Variants in MYLK3 observed in about 807,000 individuals in gnomAD.
MYLK3 encodes myosin light chain kinase 3, also known as MLC kinase.
In MYLK3, 55 loss-of-function variants were observed where a neutral mutation model predicts 76.3. That is an observed-to-expected ratio of 0.72 (90% CI 0.58 to 0.90). The LOEUF is 0.90. Ranked by LOEUF, MYLK3 falls within the 40% of genes least tolerant of loss-of-function variation. The probability of loss-of-function intolerance (pLI) is 0.00; values close to 1 mark genes in which losing one functional copy is unlikely to be tolerated. For missense variants in MYLK3, 973 were observed against 1,053.6 expected (o/e 0.92, Z 1.06); for synonymous variants, 416 against 425.4 (o/e 0.98, Z 0.27).
At chr16:46,716,473 ATG>A (rs1203160291) in intron 9 of MYLK3, among the ~76,000 whole-genome samples, 6 of 146,398 alleles carry the variant, frequency 4.1e-5, no homozygotes, top group African/African-American at 1.3e-4. Flanking sequence ...GTATATATAT[ATG>A]TGTGTGTGTA....
chr16:46,749,420 C>G (rs1967089060), upstream of MYLK3, among the ~76,000 whole-genome samples: 1 of 152,246 alleles, frequency 6.6e-6, no homozygotes, highest in Non-Finnish European at 1.5e-5. Flanking sequence ...AAGCTTCCCC[C>G]TTCTGAATAA....
At chr16:46,742,505 A>C (rs1025974582) in intron 1 of MYLK3, among the ~76,000 whole-genome samples, 6 of 148,716 alleles carry the variant, frequency 4.0e-5, no homozygotes, top group Non-Finnish European at 7.4e-5. Context: ...AAAAAACCTG[A>C]AGATCTGGCA....
rs1966637483 is a variant in MYLK3 at position 46,707,460 on chromosome 16, A to G, written c.*244T>C. 1 of 430,960 alleles carries G rather than the reference A, an allele frequency of 2.3e-6. No individual in the cohort carries two copies. Among genetic ancestry groups the G allele is most frequent in the Non-Finnish European group, 4.1e-6 (1 of 243,414 alleles). 26.7% of individuals were successfully genotyped at this position (430,960 alleles called of 1,614,324 possible). A position where few individuals can be genotyped will look rare whatever the true frequency, so the allele number is the denominator to read the frequency against. ...CCTACACTTACCACCAAAAGTAGGTATATTTGAAAGGTACTCAGAGCATTT... is the reference window on the plus strand; with the variant it reads ...CCTACACTTACCACCAAAAGTAGGTGTATTTGAAAGGTACTCAGAGCATTT... On this transcript the variant is annotated 3_prime_UTR_variant, in exon 13 of 13. Transcript: ENST00000394809.
chr16:46,710,103 A>G (rs2143012445), intron 11 of MYLK3, among the ~76,000 whole-genome samples: 1 of 152,358 alleles, frequency 6.6e-6, no homozygotes, highest in East Asian at 1.9e-4. Flanking sequence ...TTTCACAGTC[A>G]GAAAGAAACA....
intron 1 of MYLK3, among the ~76,000 whole-genome samples, chr16:46,753,514 T>A (rs1159217838): frequency 6.6e-6 from 1 of 152,190 alleles, no homozygotes; most frequent in Non-Finnish European, 1.5e-5. Flanking sequence ...GATCACTGGA[T>A]GTTCAAAGAA....
chr16:46,748,245 C>A lies in MYLK3; in HGVS notation c.-52G>T, dbSNP rs577302186. 12 of 1,556,276 alleles carry A rather than the reference C, an allele frequency of 7.7e-6. No homozygotes were observed. In the African/African-American group the frequency reaches 8.1e-5, roughly 11 times the overall value. On this transcript the variant is annotated 5_prime_UTR_variant, in exon 1 of 13. Coordinates refer to ENST00000394809, the MANE Select transcript of MYLK3 (RefSeq NM_182493.3). This position sits in a 1 kb window ranked among gnomAD's most constrained non-coding sequence, Gnocchi z 4.3. ...AGCGGGGAATGAGGAGAGGCACAGA[C>A]CCCTGGTTCTCACTCAGGCGGTGGT...
rs767498123 is a variant in MYLK3, at chr16:46,732,393, G to A, written c.1277C>T (p.Thr426Met). The A allele has an allele frequency of 2.9e-5, 47 of 1,613,614 alleles. No homozygotes were observed. Among genetic ancestry groups the A allele is most frequent in the South Asian group, 1.6e-4 (15 of 91,078 alleles). Residue 426 changes from threonine (T) to methionine (M), a missense_variant, in exon 4 of 13, where the codon ACG (threonine) becomes ATG (methionine). By Grantham distance (81) the Thr-to-Met change is moderately conservative. Around this residue, in one of 2 missense-constraint regions of MYLK3, gnomAD observed 641 missense variants for 637.0 expected, o/e 1.01. Coordinates refer to ENST00000394809, the MANE Select transcript of MYLK3 (RefSeq NM_182493.3). Reference protein sequence around the residue: ...EEQRAGAEPGTRPSLARSDDN... With the variant: ...EEQRAGAEPGMRPSLARSDDN... ...GTCACTCCTGGCCAAGCTTGGTCTC[G>A]TGCCAGGCTCGGCCCCAGCCCTTTG...
rs774957016 is a variant in MYLK3, at chr16:46,709,658, C to T, written c.2281G>A (p.Ala761Thr). The change falls in exon 12 of 13, where the codon GCC becomes ACC. Residue 761 changes from alanine to threonine, a missense_variant. This residue lies in a region of MYLK3 where 332 missense variants were observed against 416.6 expected (regional missense o/e 0.80). Coordinates refer to ENST00000394809, the MANE Select transcript of MYLK3 (RefSeq NM_182493.3). Reference protein sequence around the residue: ...LVKEKSCRMSATQCLKHEWLN... With the variant: ...LVKEKSCRMSTTQCLKHEWLN... ...CACTCGTGTTTCAGGCACTGTGTGGCACTCATTCTGCAGCTGTGAAATCAA... is the reference window on the plus strand; with the variant it reads ...CACTCGTGTTTCAGGCACTGTGTGGTACTCATTCTGCAGCTGTGAAATCAA... 2 of 1,612,532 alleles carry T rather than the reference C, an allele frequency of 1.2e-6. No homozygotes were observed. The highest frequency in any genetic ancestry group is 1.3e-5 in the African/African-American group (1 of 74,856).
intron 2 of MYLK3, among the ~76,000 whole-genome samples, chr16:46,739,623 G>T (rs1966897767): frequency 6.6e-6 from 1 of 151,764 alleles, no homozygotes; most frequent in Non-Finnish European, 1.5e-5. Flanking sequence ...AATGAATAGG[G>T]AATATATTTT....
chr16:46,736,905 T>G (rs1453965832), intron 3 of MYLK3, among the ~76,000 whole-genome samples: 1 of 152,110 alleles, frequency 6.6e-6, no homozygotes, highest in African/African-American at 2.4e-5. Context: ...GGTTCTTTAC[T>G]CTGCTACAGA....
At chr16:46,726,727 A>AAG (rs1226599868) in intron 8 of MYLK3, 1 of 148,818 alleles carries the variant, frequency 6.7e-6, no homozygotes, top group African/African-American at 2.5e-5. Flanking sequence ...GAAAGAAAGA[A>AAG]AGAAAGAAAA....
At chr16:46,750,878 A>G (rs1223956059), upstream of MYLK3, among the ~76,000 whole-genome samples, 1 of 152,108 alleles carries the variant, frequency 6.6e-6, no homozygotes. Flanking sequence ...CTGTAATCCC[A>G]GCTACTTGGG....
intron 5 of MYLK3, 102 bp from the exon 6 acceptor site, chr16:46,729,789 AC>A: frequency 1.0e-6 from 1 of 978,098 alleles, no homozygotes; most frequent in Non-Finnish European, 1.6e-6. Flanking sequence ...GGCCATGTGG[AC>A]CATCCTACAT....
chr16:46,736,709 C>T (rs1401618884), intron 3 of MYLK3, among the ~76,000 whole-genome samples: 1 of 152,204 alleles, frequency 6.6e-6, no homozygotes, highest in Admixed American at 6.5e-5. Flanking sequence ...CCACAGCAAA[C>T]ACAGACACCA....
At chr16:46,739,355 T>G (rs1391586505) in intron 2 of MYLK3, among the ~76,000 whole-genome samples, 3 of 152,140 alleles carry the variant, frequency 2.0e-5, no homozygotes, top group Non-Finnish European at 4.4e-5. Context: ...TCATGCAAAA[T>G]TATACAAGAA....
At chr16:46,743,849 G>A (rs1399252133) in intron 1 of MYLK3, among the ~76,000 whole-genome samples, 1 of 152,172 alleles carries the variant, frequency 6.6e-6, no homozygotes, top group Non-Finnish European at 1.5e-5. Flanking sequence ...TGTGAGTGAT[G>A]TTCAGTCCTC....
chr16:46,754,761 A>G (rs1967175401), intron 1 of MYLK3, among the ~76,000 whole-genome samples: 1 of 152,228 alleles, frequency 6.6e-6, no homozygotes, highest in South Asian at 2.1e-4. Flanking sequence ...CATCCTAAAA[A>G]CAACTGGATG....
upstream of MYLK3, among the ~76,000 whole-genome samples, chr16:46,748,566 A>G (rs1967071453): frequency 1.3e-5 from 2 of 152,162 alleles, no homozygotes; most frequent in South Asian, 4.1e-4. The surrounding 1 kb of genome is among the most constrained non-coding windows in gnomAD (Gnocchi z 4.3). Flanking sequence ...AATGGTTCGG[A>G]GGAAAGGAAA....
At chr16:46,760,727 A>C (rs1967265704) in intron 1 of MYLK3, among the ~76,000 whole-genome samples, 1 of 152,120 alleles carries the variant, frequency 6.6e-6, no homozygotes, top group Non-Finnish European at 1.5e-5. Flanking sequence ...CTTGGTATCA[A>C]ATCTGAAGAA....
Sources: allele counts gnomAD v4.1 joint callset (sites outside exome capture counted in the v4.1 genomes callset), GRCh38; gene constraint gnomAD v4.1.1; regional missense constraint gnomAD v4.1.1; non-coding constraint Gnocchi (gnomAD v3.1); transcripts MANE v1.5; gene names NCBI Gene and HGNC (gene_info 2026-07-23, HGNC 2026-07-21).